Variants in RYR2 observed in about 807,000 individuals in gnomAD.
The protein encoded by RYR2 is ryanodine receptor 2.
A neutral mutation model predicts 601.1 loss-of-function variants in RYR2; 227 were observed. That is an observed-to-expected ratio of 0.38 (90% confidence interval 0.34 to 0.42). RYR2 has a LOEUF of 0.42. RYR2 is among the 10% of genes least tolerant of loss of function. RYR2 has a pLI of 1.00. For missense variants in RYR2, 4,646 were observed against 6,156.5 expected, an observed-to-expected ratio of 0.75 and a Z score of 8.21; for synonymous variants, 2,223 against 2,175.1, an observed-to-expected ratio of 1.02 and a Z score of -0.61.
chr1:237,066,641 C>CTTTT (rs71178383), intron 1 of RYR2, among the ~76,000 whole-genome samples: 1 of 147,082 alleles, frequency 6.8e-6, no homozygotes. Flanking sequence ...CCGTGTCTTT[C>CTTTT]TTTTTTTTTT....
intron 12 of RYR2, among the ~76,000 whole-genome samples, chr1:237,440,856 A>C (rs1474805886): frequency 1.3e-5 from 2 of 152,008 alleles, no homozygotes; most frequent in African/African-American, 4.8e-5. Context: ...GAGGTACCTT[A>C]TTAGCTTTAT....
chr1:237,609,900 C>T (rs998249519), intron 35 of RYR2, among the ~76,000 whole-genome samples: 11 of 151,970 alleles, frequency 7.2e-5, no homozygotes, highest in South Asian at 4.1e-4. Flanking sequence ...TAGTTTTATT[C>T]ATTAGCATAT....
chr1:237,253,616 C>T (rs1354944237), intron 1 of RYR2, among the ~76,000 whole-genome samples: 2 of 152,224 alleles, frequency 1.3e-5, no homozygotes, highest in African/African-American at 2.4e-5. Flanking sequence ...TGAATGAAAA[C>T]AGCAGTTGAA....
chr1:237,203,734 T>A (rs1391178953), intron 1 of RYR2, among the ~76,000 whole-genome samples: 2 of 152,140 alleles, frequency 1.3e-5, no homozygotes, highest in Non-Finnish European at 2.9e-5. Context: ...AAGGAAAATA[T>A]ACATATATTA....
chr1:237,287,081 G>A (rs923186622), intron 2 of RYR2, among the ~76,000 whole-genome samples: 6 of 152,228 alleles, frequency 3.9e-5, no homozygotes, highest in African/African-American at 1.2e-4. Context: ...CATATATGAT[G>A]CTTAGTTTTG....
chr1:237,126,766 A>AT (rs897342867), intron 1 of RYR2, among the ~76,000 whole-genome samples: 22 of 151,400 alleles, frequency 1.5e-4, no homozygotes, highest in African/African-American at 1.9e-4. Flanking sequence ...TTTTTATTTT[A>AT]TTTTTTTTAT....
At chr1:237,086,021 C>T (rs2148429031) in intron 1 of RYR2, among the ~76,000 whole-genome samples, 1 of 152,358 alleles carries the variant, frequency 6.6e-6, no homozygotes, top group African/African-American at 2.4e-5. Flanking sequence ...TCTCAAAGTG[C>T]TGGGATTATA....
At chr1:237,424,959 T>C (rs965953060) in intron 12 of RYR2, among the ~76,000 whole-genome samples, 1 of 152,178 alleles carries the variant, frequency 6.6e-6, no homozygotes, top group Non-Finnish European at 1.5e-5. Context: ...AGAACATTAA[T>C]TTTGCTAATT....
intron 63 of RYR2, among the ~76,000 whole-genome samples, chr1:237,689,054 G>A (rs1309103013): frequency 6.6e-6 from 1 of 152,114 alleles, no homozygotes; most frequent in Non-Finnish European, 1.5e-5. Flanking sequence ...CTTGAGGACA[G>A]GAGTTCAAGA....
intron 24 of RYR2, among the ~76,000 whole-genome samples, chr1:237,523,498 G>A (rs2990541): frequency 0.48 from 72,491 of 151,950 alleles, 17,552 homozygotes; most frequent in East Asian, 0.58. Context: ...ACTTTGGGAG[G>A]CTGAGTTGGG....
chr1:237,583,267 TG>T (rs1486956414), intron 29 of RYR2, among the ~76,000 whole-genome samples: 2 of 152,120 alleles, frequency 1.3e-5, no homozygotes, highest in Non-Finnish European at 2.9e-5. Flanking sequence ...ATTTTTTAAA[TG>T]GGGGTGATTT....
At chr1:237,165,170 C>A (rs1187944579) in intron 1 of RYR2, among the ~76,000 whole-genome samples, 1 of 151,790 alleles carries the variant, frequency 6.6e-6, no homozygotes, top group Non-Finnish European at 1.5e-5. Flanking sequence ...GTTGCCCAGG[C>A]TTGCATTTAT....
intron 56 of RYR2, among the ~76,000 whole-genome samples, chr1:237,665,227 C>T (rs760441640): frequency 1.3e-4 from 19 of 151,852 alleles, no homozygotes; most frequent in African/African-American, 2.9e-4. Flanking sequence ...GGTGAAACCC[C>T]GTCTCTACTA....
At chr1:237,699,422 A>G (rs1317611848) in intron 64 of RYR2, among the ~76,000 whole-genome samples, 4 of 152,124 alleles carry the variant, frequency 2.6e-5, no homozygotes, top group South Asian at 2.1e-4. Context: ...GAATAAAGTG[A>G]TGTTTAAGAT....
intron 36 of RYR2, among the ~76,000 whole-genome samples, chr1:237,613,224 T>TTCTCCTTAACACATGTCAC (rs1678079255): frequency 6.6e-6 from 1 of 152,230 alleles, no homozygotes; most frequent in African/African-American, 2.4e-5. Flanking sequence ...TGTACTTTGT[T>TTCTCCTTAACACATGTCAC]TCTCCTTAAC....
intron 1 of RYR2, among the ~76,000 whole-genome samples, chr1:237,166,480 T>C (rs1676726893): frequency 8.5e-6 from 1 of 117,984 alleles, no homozygotes; most frequent in Admixed American, 1.1e-4. Flanking sequence ...GGCTGGAGCC[T>C]AGATTTTTAA....
chr1:237,720,378 C>T (rs1689618276), intron 73 of RYR2, among the ~76,000 whole-genome samples: 1 of 152,088 alleles, frequency 6.6e-6, no homozygotes, highest in Admixed American at 6.5e-5. Context: ...TGAGACATGC[C>T]TTTACCATAT....
At chr1:237,217,637 C>T (rs572267595) in intron 1 of RYR2, among the ~76,000 whole-genome samples, 4 of 152,178 alleles carry the variant, frequency 2.6e-5, no homozygotes, top group Admixed American at 1.3e-4. Flanking sequence ...TACATGTCAG[C>T]GGTGGTGGTG....
intron 13 of RYR2, among the ~76,000 whole-genome samples, chr1:237,443,455 A>G (rs1055618377): frequency 1.3e-5 from 2 of 152,206 alleles, no homozygotes; most frequent in African/African-American, 4.8e-5. Flanking sequence ...TAAAGAAGAT[A>G]AAAATCATGT....
Sources: gnomAD v4.1 joint callset for allele counts (sites outside exome capture counted in the v4.1 genomes callset) on GRCh38, gnomAD v4.1.1 for gene constraint, MANE v1.5 for transcripts, NCBI Gene and HGNC (gene_info 2026-07-23, HGNC 2026-07-21) for gene names.